The following APOL1 variants were observed in gnomAD, a reference collection of about 807,000 sequenced individuals.
APOL1 encodes apolipoprotein L1.
APOL1 carries 17 observed loss-of-function variants against 14.9 expected under a neutral mutation model. The observed-to-expected ratio is 1.14, with a 90% CI of 0.78 to 1.71. APOL1 has a LOEUF of 1.71. Among genes scored for constraint, APOL1 ranks in the 40% most tolerant of loss-of-function variants. APOL1 has a pLI of 0.00. For synonymous variants in APOL1, 195 were observed against 184.8 expected (o/e 1.05, Z -0.45); for missense variants, 523 against 485.9 (o/e 1.08, Z -0.72).
At chr22:36,261,565 T>G (rs1401511979) in intron 4 of APOL1, 31 bp from the exon 5 acceptor site, 1 of 1,604,870 alleles carries the variant, frequency 6.2e-7, no homozygotes, top group Non-Finnish European at 8.5e-7. Context: ...CACACTTTCC[T>G]CCAACCTTAT....
At chr22:36,261,566 C>T (rs1410622890) in intron 4 of APOL1, 30 bp from the exon 5 acceptor site, 2 of 1,605,592 alleles carry the variant, frequency 1.2e-6, no homozygotes. Context: ...ACACTTTCCT[C>T]CAACCTTATC....
chr22:36,263,541 A>C (rs2016140196), intron 5 of APOL1, among the ~76,000 whole-genome samples: 2 of 152,370 alleles, frequency 1.3e-5, no homozygotes, highest in Non-Finnish European at 2.9e-5. Flanking sequence ...AACACAGATT[A>C]AAATCAGCCT....
chr22:36,262,178 T>C (rs905943757), intron 5 of APOL1, among the ~76,000 whole-genome samples: 8 of 152,176 alleles, frequency 5.3e-5, no homozygotes, highest in African/African-American at 9.7e-5. Context: ...GACTTGACCT[T>C]TGGGACAAGT....
rs1364859063 is a variant in APOL1 at position 36,265,672 on chromosome 22, T to G, written c.836T>G (p.Ile279Ser). ...AGNTYQLTRG[I>S]GKDIRALRRA... ...AATACTTACCAACTCACACGAGGCATTGGGAAGGACATCCGTGCCCTCAGA... is the reference window on the plus strand; with the variant it reads ...AATACTTACCAACTCACACGAGGCAGTGGGAAGGACATCCGTGCCCTCAGA... The change falls in exon 6 of 6, where the codon ATT (isoleucine) becomes AGT (serine). Residue 279 changes from isoleucine to serine, a missense_variant. Transcript: ENST00000397278. 1 of 1,604,582 alleles carries G rather than the reference T, an allele frequency of 6.2e-7. No homozygotes were observed. The highest frequency in any genetic ancestry group is 1.7e-5 in the Admixed American group (1 of 59,342).
intron 4 of APOL1, among the ~76,000 whole-genome samples, chr22:36,260,218 C>T (rs1242376465): frequency 1.3e-5 from 2 of 152,178 alleles, no homozygotes; most frequent in African/African-American, 4.8e-5. Flanking sequence ...CACGATGAAA[C>T]CCTGTCTCTA....
At chr22:36,255,883 A>G (rs563511428) in intron 2 of APOL1, among the ~76,000 whole-genome samples, 15 of 151,152 alleles carry the variant, frequency 9.9e-5, no homozygotes, top group Non-Finnish European at 1.6e-4. Flanking sequence ...TTTTCATCTT[A>G]TTTGTACCCT....
At chr22:36,262,381 T>C (rs927401187) in intron 5 of APOL1, among the ~76,000 whole-genome samples, 1 of 152,330 alleles carries the variant, frequency 6.6e-6, no homozygotes. Context: ...TCTGGGCTTA[T>C]GTCAGAGACT....
At position 36,253,236 on chromosome 22, in the gene APOL1, T is replaced by C. The variant is rs1470613151; in HGVS notation, c.-20+17T>C. The C allele has an allele frequency of 2.3e-6, 1 of 429,304 alleles. No individual in the cohort carries two copies. Among genetic ancestry groups the C allele is most frequent in the Non-Finnish European group, 4.6e-6 (1 of 216,784 alleles). 26.6% of individuals were successfully genotyped at this position (429,304 alleles called of 1,614,324 possible). A position where few individuals can be genotyped will look rare whatever the true frequency, so the allele number is the denominator to read the frequency against. On this transcript the variant is annotated intron_variant, in intron 1 of 5. Coordinates refer to ENST00000397278, the MANE Select transcript of APOL1 (RefSeq NM_003661.4). ...GATTCCTTGGTAAGTTGGGGACAGTTGACCTGCCTCCATCTTATTCTCACA... is the reference window on the plus strand; with the variant it reads ...GATTCCTTGGTAAGTTGGGGACAGTCGACCTGCCTCCATCTTATTCTCACA...
intron 1 of APOL1, among the ~76,000 whole-genome samples, 196 bp from the exon 2 acceptor site, chr22:36,254,741 T>C (rs1042591304): frequency 6.6e-6 from 1 of 151,956 alleles, no homozygotes; most frequent in African/African-American, 2.4e-5. Flanking sequence ...CGGGCACCTG[T>C]AGTCCCAGCT....
intron 4 of APOL1, among the ~76,000 whole-genome samples, chr22:36,258,706 T>A (rs1214491997): frequency 6.6e-6 from 1 of 152,122 alleles, no homozygotes; most frequent in Non-Finnish European, 1.5e-5. Context: ...CTTTGCTGGT[T>A]TATTAAATTA....
rs200272963 is a variant in APOL1, at chr22:36,265,729, A to G, written c.893A>G (p.His298Arg). The G allele has an allele frequency of 1.4e-5, 22 of 1,613,970 alleles. No homozygotes were observed. In the Middle Eastern group the frequency reaches 9.9e-4, roughly 73 times the overall value. Residue 298 changes from histidine to arginine, a missense_variant, in exon 6 of 6, where the codon CAT (histidine) becomes CGT (arginine). Transcript: ENST00000397278. ...AGAGCCAATCTTCAGTCAGTACCGC[A>G]TGCCTCAGCCTCACGCCCCCGGGTC... ...RARANLQSVP[H>R]ASASRPRVTE...
In APOL1 at chr22:36,253,877, C is replaced by A. The variant is rs926440560; in HGVS notation, c.-20+658C>A. ...GGAGAAGAAACAGGCTGTGCTGTGTCCCTAATGGGAAACGTGGCTGAGACA... is the reference window on the plus strand; with the variant it reads ...GGAGAAGAAACAGGCTGTGCTGTGTACCTAATGGGAAACGTGGCTGAGACA... On this transcript the variant is annotated intron_variant, in intron 1 of 5. Transcript: ENST00000397278. 45 of 1,528,984 alleles carry A rather than the reference C, an allele frequency of 2.9e-5. No individual in the cohort carries two copies. In the African/African-American group the frequency reaches 6.0e-4, roughly 20 times the overall value. The allele number at this position is 1,528,984 out of a possible 1,614,324, so 94.7% of individuals were successfully genotyped here.
intron 5 of APOL1, 23 bp downstream of exon 5, chr22:36,261,745 C>T (rs764504559): frequency 6.2e-7 from 1 of 1,603,956 alleles, no homozygotes. Flanking sequence ...GGGTTACCTC[C>T]ATTGGGCACT....
At position 36,265,358 on chromosome 22, in the gene APOL1, C is replaced by A. The variant is rs758612193; in HGVS notation, c.522C>A (p.Ile174=). Reference sequence around the variant, plus strand: ...AGAAGGTCCACAAAGGCACCACCATCGCCAATGTGGTGTCTGGCTCTCTCA... The same window carrying A: ...AGAAGGTCCACAAAGGCACCACCATAGCCAATGTGGTGTCTGGCTCTCTCA... ...GVQKVHKGTT[I]ANVVSGSLSI... The change falls in exon 6 of 6, where the codon ATC becomes ATA. Residue 174 remains isoleucine (I), a synonymous_variant. Coordinates refer to ENST00000397278, the MANE Select transcript of APOL1 (RefSeq NM_003661.4). The A allele has an allele frequency of 1.2e-6, 2 of 1,612,012 alleles. No individual in the cohort carries two copies. Among genetic ancestry groups the A allele is most frequent in the Non-Finnish European group, 1.7e-6 (2 of 1,178,610 alleles).
chr22:36,254,870 A>G lies in APOL1; in HGVS notation c.-19-67A>G, dbSNP rs768119504. The G allele has an allele frequency of 2.1e-5, 34 of 1,599,072 alleles. No homozygotes were observed. In the South Asian group the frequency reaches 2.9e-4, roughly 13 times the overall value. ...AGAGCGAGACTCCATTTCAAAAAAA[A>G]AATGAAATGAAAATGGTGATTTCTC... On this transcript the variant is annotated intron_variant, in intron 1 of 5. Transcript: ENST00000397278.
At chr22:36,253,683 C>T (rs2015762982) in intron 1 of APOL1, among the ~76,000 whole-genome samples, 1 of 152,130 alleles carries the variant, frequency 6.6e-6, no homozygotes, top group Admixed American at 6.5e-5. Context: ...GTCATCTCAC[C>T]CACCCTGAGT....
intron 5 of APOL1, among the ~76,000 whole-genome samples, chr22:36,263,658 G>A (rs2016143640): frequency 6.6e-6 from 1 of 152,242 alleles, no homozygotes; most frequent in Non-Finnish European, 1.5e-5. Context: ...AACACATGCG[G>A]TGTTGCCAAC....
At chr22:36,256,315 G>T (rs551620321) in intron 2 of APOL1, among the ~76,000 whole-genome samples, 2 of 152,328 alleles carry the variant, frequency 1.3e-5, no homozygotes, top group East Asian at 1.9e-4. Context: ...AAAGCCTTTT[G>T]AGTTGTTGAT....
chr22:36,253,561 C>G (rs549551309), intron 1 of APOL1, among the ~76,000 whole-genome samples: 2 of 152,336 alleles, frequency 1.3e-5, no homozygotes, highest in Middle Eastern at 3.4e-3. Flanking sequence ...GGAGGTGACC[C>G]AGATCCCAGC....
Sources: allele counts gnomAD v4.1 joint callset (sites outside exome capture counted in the v4.1 genomes callset), GRCh38; gene constraint gnomAD v4.1.1; transcripts MANE v1.5; gene names NCBI Gene and HGNC (gene_info 2026-07-23, HGNC 2026-07-21).